The following ATF6 variants were observed in gnomAD, a reference collection of about 807,000 sequenced individuals.
ATF6 encodes cyclic AMP-dependent transcription factor ATF-6 alpha.
Under a neutral mutation model 83.6 loss-of-function variants are expected in ATF6, and 53 were observed. The ratio of observed to expected loss-of-function variants is 0.63; its 90% confidence interval spans 0.51 to 0.80. The LOEUF is 0.80. ATF6 is among the 30% of genes least tolerant of loss of function. The pLI is 0.00. For missense variants in ATF6, 744 were observed against 797.9 expected (o/e 0.93, Z 0.81); for synonymous variants, 288 against 285.8 (o/e 1.01, Z -0.08).
intron 9 of ATF6, among the ~76,000 whole-genome samples, chr1:161,837,523 C>T (rs1374722239): frequency 6.6e-6 from 1 of 152,114 alleles, no homozygotes; most frequent in African/African-American, 2.4e-5. Flanking sequence ...AATGTACAGA[C>T]GATCTATGTA....
At chr1:161,912,264 A>T (rs148909367) in intron 14 of ATF6, 32 bp from the exon 15 acceptor site, 1 of 1,538,674 alleles carries the variant, frequency 6.5e-7, no homozygotes, top group Admixed American at 1.8e-5. Context: ...GCCAATTGTT[A>T]TATATAACAG....
At chr1:161,850,352 C>A (rs1380194156) in intron 10 of ATF6, among the ~76,000 whole-genome samples, 1 of 152,032 alleles carries the variant, frequency 6.6e-6, no homozygotes, top group Non-Finnish European at 1.5e-5. Flanking sequence ...GCCCACCTTT[C>A]CCCCACCTGC....
chr1:161,794,247 A>G (rs1684955868), intron 6 of ATF6, among the ~76,000 whole-genome samples: 1 of 152,186 alleles, frequency 6.6e-6, no homozygotes, highest in African/African-American at 2.4e-5. Flanking sequence ...TGGTATTATT[A>G]TAATAACATA....
intron 9 of ATF6, among the ~76,000 whole-genome samples, chr1:161,824,243 C>T (rs1685832584): frequency 6.6e-6 from 1 of 152,124 alleles, no homozygotes; most frequent in Non-Finnish European, 1.5e-5. Flanking sequence ...TCATGGTCTT[C>T]ACTTTCATTC....
intron 14 of ATF6, chr1:161,891,820 C>T (rs893474584): frequency 6.6e-6 from 1 of 152,150 alleles, no homozygotes; most frequent in Non-Finnish European, 1.5e-5. Flanking sequence ...AGCTTATCCT[C>T]ATACTGAATC....
At chr1:161,915,353 T>C (rs1688074915) in intron 15 of ATF6, among the ~76,000 whole-genome samples, 1 of 152,234 alleles carries the variant, frequency 6.6e-6, no homozygotes, top group South Asian at 2.1e-4. Context: ...TAGTAATACC[T>C]TCCTCTAAGA....
chr1:161,958,095 G>C (rs6670429), intron 15 of ATF6, among the ~76,000 whole-genome samples: 96,800 of 151,988 alleles, frequency 0.64, 32,397 homozygotes, highest in Non-Finnish European at 0.75. Context: ...CCACTAAAAA[G>C]CCCTTCTGTT....
intron 15 of ATF6, among the ~76,000 whole-genome samples, chr1:161,934,864 C>T (rs1249989278): frequency 6.6e-6 from 1 of 152,164 alleles, no homozygotes; most frequent in African/African-American, 2.4e-5. Context: ...CTGCTTTGTT[C>T]TTGGGGTATC....
At chr1:161,950,464 A>T (rs1184609906) in intron 15 of ATF6, among the ~76,000 whole-genome samples, 1 of 152,178 alleles carries the variant, frequency 6.6e-6, no homozygotes, top group Non-Finnish European at 1.5e-5. Flanking sequence ...TAGTTATTTC[A>T]TGGTTACTGG....
At chr1:161,793,641 C>T (rs910429902) in intron 6 of ATF6, among the ~76,000 whole-genome samples, 29 of 152,152 alleles carry the variant, frequency 1.9e-4, no homozygotes, top group African/African-American at 7.0e-4. Flanking sequence ...TATTAAAATA[C>T]GTCTATACAA....
intron 15 of ATF6, among the ~76,000 whole-genome samples, chr1:161,937,530 T>C (rs11590304): frequency 0.26 from 39,398 of 151,774 alleles, 6,023 homozygotes; most frequent in Non-Finnish European, 0.35. Flanking sequence ...GATTAGGTCA[T>C]GAAGGCAGAG....
At chr1:161,946,973 C>T (rs983023183) in intron 15 of ATF6, among the ~76,000 whole-genome samples, 2 of 152,104 alleles carry the variant, frequency 1.3e-5, no homozygotes, top group African/African-American at 2.4e-5. Flanking sequence ...GGCTTCTTAC[C>T]TACAGAGCTA....
chr1:161,922,420 A>G (rs1688229901), intron 15 of ATF6, among the ~76,000 whole-genome samples: 1 of 152,184 alleles, frequency 6.6e-6, no homozygotes, highest in Non-Finnish European at 1.5e-5. Context: ...GGAGATACCA[A>G]CATAGAATAA....
chr1:161,863,811 G>A (rs1425334179), intron 14 of ATF6, among the ~76,000 whole-genome samples: 1 of 152,148 alleles, frequency 6.6e-6, no homozygotes, highest in Non-Finnish European at 1.5e-5. Context: ...ACATTTGGTT[G>A]GTGAAGAATG....
In ATF6 at chr1:161,894,786, G is replaced by A. The variant is rs182212683; in HGVS notation, c.1720-17510G>A. On this transcript the variant is annotated intron_variant, in intron 14 of 15. Transcript: ENST00000367942. ...AGGCTGACCGGGAACTCTTGACCTC[G>A]TGAGCCACCCGCCTTGGCCTCCCAA... Among the ~76,000 whole-genome samples the A allele has an allele frequency of 3.4e-3, 495 of 145,662 alleles. 2 individuals carry two copies. The highest frequency in any genetic ancestry group is 5.4e-3 in the Non-Finnish European group (360 of 66,992).
At chr1:161,792,078 G>GT (rs1553229145) in intron 5 of ATF6, 46 bp from the exon 6 acceptor site, 1 of 1,545,068 alleles carries the variant, frequency 6.5e-7, no homozygotes, top group Non-Finnish European at 8.9e-7. Flanking sequence ...TAGGGCTTGC[G>GT]TAATTGCTTT....
At chr1:161,951,839 C>T (rs994546655) in intron 15 of ATF6, among the ~76,000 whole-genome samples, 1 of 152,188 alleles carries the variant, frequency 6.6e-6, no homozygotes, top group African/African-American at 2.4e-5. Context: ...TTAAGCCACT[C>T]AGTAAATGCT....
At chr1:161,855,621 T>C (rs1409222620) in intron 12 of ATF6, among the ~76,000 whole-genome samples, 4 of 152,070 alleles carry the variant, frequency 2.6e-5, no homozygotes, top group Admixed American at 2.6e-4. Flanking sequence ...TTCTGGGCCA[T>C]CTCCAACATT....
rs540521123 is a variant in ATF6 at position 161,846,949 on chromosome 1, A to G, written c.1319+369A>G. On this transcript the variant is annotated intron_variant, in intron 10 of 15. Coordinates refer to ENST00000367942, the MANE Select transcript of ATF6 (RefSeq NM_007348.4). ...TGTCTCACCTGTGGATGGATATGATATGGTGGAATAACATGATTGAACCTA... is the reference window on the plus strand; with the variant it reads ...TGTCTCACCTGTGGATGGATATGATGTGGTGGAATAACATGATTGAACCTA... 3.9e-5 allele frequency among the ~76,000 whole-genome samples: 6 copies of G among 152,242 alleles called. No homozygotes were observed. In the East Asian group the frequency reaches 1.2e-3, roughly 29 times the overall value.
Sources: gnomAD v4.1 joint callset for allele counts (sites outside exome capture counted in the v4.1 genomes callset) on GRCh38, gnomAD v4.1.1 for gene constraint, MANE v1.5 for transcripts, NCBI Gene and HGNC (gene_info 2026-07-23, HGNC 2026-07-21) for gene names.